The following ALDH3A2 variants were observed in gnomAD, a reference collection of about 807,000 sequenced individuals.
ALDH3A2 encodes the protein aldehyde dehydrogenase 3 family member A2.
In ALDH3A2, 36 loss-of-function variants were observed where a neutral mutation model predicts 51.3. The observed-to-expected ratio is 0.70, with a 90% confidence interval of 0.54 to 0.93. The LOEUF is 0.93. Ranked by LOEUF, ALDH3A2 falls within the 40% of genes least tolerant of loss-of-function variation. The probability of loss-of-function intolerance (pLI) is 0.00; values close to 1 mark genes in which losing one functional copy is unlikely to be tolerated. For missense variants in ALDH3A2, 552 were observed against 603.1 expected, an observed-to-expected ratio of 0.92 and a Z score of 0.89; for synonymous variants, 199 against 219.8, an observed-to-expected ratio of 0.91 and a Z score of 0.84.
Position 19,672,173 on chromosome 17 carries a change from G to C in ALDH3A2, c.1443+217G>C, listed in dbSNP as rs146097919. Among the ~76,000 whole-genome samples the C allele has an allele frequency of 8.2e-4, 125 of 152,300 alleles. 1 individual carries two copies. The East Asian group carries it at 0.018, about 21-fold the overall frequency. On this transcript the variant is annotated intron_variant, in intron 9 of 9. Transcript: ENST00000176643. ...TCCACAGCTGCTTTCATGGGACAGTGACAGAGCTGAGTAGTTGCAACAGAG... is the reference window on the plus strand; with the variant it reads ...TCCACAGCTGCTTTCATGGGACAGTCACAGAGCTGAGTAGTTGCAACAGAG...
At chr17:19,649,391 T>G in intron 1 of ALDH3A2, 1 of 497,714 alleles carries the variant, frequency 2.0e-6, no homozygotes, top group South Asian at 2.9e-5. Context: ...TGTGGTTCTT[T>G]TCCTTATGAT....
chr17:19,658,918 G>A (rs1401910626), intron 5 of ALDH3A2, among the ~76,000 whole-genome samples: 1 of 151,916 alleles, frequency 6.6e-6, no homozygotes, highest in Non-Finnish European at 1.5e-5. Context: ...ACACCAAAGA[G>A]TAATGCATGT....
At chr17:19,652,498 A>C (rs1567597564) in intron 2 of ALDH3A2, 49 bp from the exon 3 acceptor site, 6 of 1,428,342 alleles carry the variant, frequency 4.2e-6, no homozygotes, top group Non-Finnish European at 4.9e-6. Context: ...TTTGGTAGCT[A>C]TTAAAGTTAA....
intron 9 of ALDH3A2, chr17:19,675,311 A>G (rs1184516762): frequency 1.8e-6 from 1 of 544,218 alleles, no homozygotes; most frequent in Non-Finnish European, 3.3e-6. Context: ...GACAGAATAT[A>G]GCCTTCATTA....
At position 19,675,561 on chromosome 17, in the gene ALDH3A2, GAA is replaced by G; in HGVS notation, c.1448_1449del (p.Glu483ValfsTer21). On this transcript the variant is annotated frameshift_variant, in exon 10 of 10. Transcript: ENST00000176643. LOFTEE classifies it high-confidence loss of function. ...GIVAAVLVKA[E>X]YY Reference sequence around the variant, plus strand: ...AATCCTTTTTTCCTCTCTCCAGGCAGAATATTACTGAAGAATGATCCTGTTCA... The same window carrying G: ...AATCCTTTTTTCCTCTCTCCAGGCAGTATTACTGAAGAATGATCCTGTTCA... The G allele has an allele frequency of 6.2e-7, 1 of 1,613,682 alleles. No individual in the cohort carries two copies. The highest frequency in any genetic ancestry group is 1.7e-5 in the Admixed American group (1 of 60,018).
At chr17:19,653,426 A>G (rs2084845851) in intron 3 of ALDH3A2, among the ~76,000 whole-genome samples, 1 of 152,130 alleles carries the variant, frequency 6.6e-6, no homozygotes, top group Admixed American at 6.5e-5. Flanking sequence ...CAGTTCTTAA[A>G]GATGGTGTGT....
At chr17:19,670,719 C>A (rs149443575) in intron 8 of ALDH3A2, among the ~76,000 whole-genome samples, 6 of 152,214 alleles carry the variant, frequency 3.9e-5, no homozygotes, top group Non-Finnish European at 7.3e-5. Context: ...TGCGCCACCA[C>A]GTCCAACTAA....
intron 5 of ALDH3A2, among the ~76,000 whole-genome samples, chr17:19,659,267 G>A (rs1400964270): frequency 6.6e-6 from 1 of 152,112 alleles, no homozygotes; most frequent in African/African-American, 2.4e-5. Flanking sequence ...CGCCGTTGTG[G>A]TGGTTCACTC....
At chr17:19,656,041 C>A in intron 3 of ALDH3A2, 1 of 376,182 alleles carries the variant, frequency 2.7e-6, no homozygotes, top group Non-Finnish European at 5.1e-6. Flanking sequence ...TCACCAGAGG[C>A]ACTTCTGCAC....
chr17:19,652,660 ATATGTGTTTACTGTGGAAAACACACATTT>A (rs992279884), intron 3 of ALDH3A2, 28 bp downstream of exon 3: 4 of 1,530,674 alleles, frequency 2.6e-6, no homozygotes, highest in Admixed American at 1.7e-5. Context: ...CATCTCCAAC[ATATGTGTTTACTGTGGAAAACACACATTT>A]TATTTTCTTG....
chr17:19,666,684 G>A (rs930049089), intron 8 of ALDH3A2, among the ~76,000 whole-genome samples: 1 of 151,972 alleles, frequency 6.6e-6, no homozygotes, highest in Non-Finnish European at 1.5e-5. Flanking sequence ...GGCTGAGGCA[G>A]GAGAATTGCT....
At chr17:19,653,064 A>G (rs1320066085) in intron 3 of ALDH3A2, among the ~76,000 whole-genome samples, 1 of 138,888 alleles carries the variant, frequency 7.2e-6, no homozygotes, top group African/African-American at 2.7e-5. Flanking sequence ...TTTTTTTTTG[A>G]GATGGAATCT....
intron 9 of ALDH3A2, among the ~76,000 whole-genome samples, chr17:19,672,769 G>A (rs1380488679): frequency 6.6e-6 from 1 of 152,074 alleles, no homozygotes; most frequent in Admixed American, 6.6e-5. Flanking sequence ...GGGGGCCGGC[G>A]CAGTGGCTCA....
chr17:19,668,517 G>A (rs921285573), intron 8 of ALDH3A2, among the ~76,000 whole-genome samples: 1 of 152,136 alleles, frequency 6.6e-6, no homozygotes, highest in African/African-American at 2.4e-5. Flanking sequence ...CAAAGTGCTG[G>A]GATTACAGGC....
intron 9 of ALDH3A2, chr17:19,673,071 G>T: frequency 1.9e-6 from 3 of 1,585,752 alleles, no homozygotes; most frequent in Non-Finnish European, 2.6e-6. Flanking sequence ...TTTGAAAGGG[G>T]TTTGGCTCAT....
chr17:19,655,952 G>C (rs1048101115), intron 3 of ALDH3A2, among the ~76,000 whole-genome samples: 2 of 152,218 alleles, frequency 1.3e-5, no homozygotes, highest in Non-Finnish European at 2.9e-5. Flanking sequence ...AGAATAGCGT[G>C]GGCTAAGCCC....
In ALDH3A2 at chr17:19,652,512, T is replaced by C. The variant is rs373772805; in HGVS notation, c.386-35T>C. On this transcript the variant is annotated intron_variant, in intron 2 of 9. Transcript: ENST00000176643. ...TTTTGGTAGCTATTAAAGTTAAATA[T>C]TAGATGATACTGTTCTACTTTTTAC... is the stretch of plus-strand genomic sequence containing the variant. The C allele has an allele frequency of 2.0e-6, 3 of 1,516,052 alleles. No homozygotes were observed. The African/African-American group carries it at 4.1e-5, about 21-fold the overall frequency. 93.9% of individuals were successfully genotyped at this position (1,516,052 alleles called of 1,614,324 possible).
chr17:19,670,203 T>A (rs751209892), intron 8 of ALDH3A2, among the ~76,000 whole-genome samples: 10 of 152,186 alleles, frequency 6.6e-5, no homozygotes, highest in Non-Finnish European at 1.5e-4. Context: ...AACAAAACCT[T>A]CCGAAATCCC....
Position 19,652,793 on chromosome 17 carries a change from C to T in ALDH3A2, c.471+161C>T, listed in dbSNP as rs971209141. 40 of 666,858 alleles carry T rather than the reference C, an allele frequency of 6.0e-5. No homozygotes were observed. The Admixed American group carries it at 6.0e-4, about 10-fold the overall frequency. 41.3% of individuals were successfully genotyped at this position (666,858 alleles called of 1,614,324 possible). On this transcript the variant is annotated intron_variant, in intron 3 of 9. Transcript: ENST00000176643. ...AAAAGAAGTTCGGTTCCAAAATACA[C>T]GGAGTGTATTTTGTGTGGAGTCACC...
Sources: gnomAD v4.1 joint callset for allele counts (sites outside exome capture counted in the v4.1 genomes callset) on GRCh38, gnomAD v4.1.1 for gene constraint, MANE v1.5 for transcripts, NCBI Gene and HGNC (gene_info 2026-07-23, HGNC 2026-07-21) for gene names.